The following CPAMD8 variants were observed in gnomAD, a reference collection of about 807,000 sequenced individuals.
The protein encoded by CPAMD8 is C3 and PZP like alpha-2-macroglobulin domain containing 8.
Under a neutral mutation model 224.7 loss-of-function variants are expected in CPAMD8, and 146 were observed. The ratio of observed to expected loss-of-function variants is 0.65; its 90% CI spans 0.57 to 0.75. The LOEUF is 0.75. CPAMD8 is among the 30% of genes least tolerant of loss of function. The pLI, the probability that CPAMD8 is intolerant of heterozygous loss-of-function variation, is 0.00. For synonymous variants in CPAMD8, 966 were observed against 1,044.6 expected, an observed-to-expected ratio of 0.92 and a Z score of 1.45; for missense variants, 2,301 against 2,537.5, an observed-to-expected ratio of 0.91 and a Z score of 2.00.
chr19:16,948,866 GGA>G (rs2054197252), intron 20 of CPAMD8, among the ~76,000 whole-genome samples: 9 of 68,920 alleles, frequency 1.3e-4, no homozygotes, highest in African/African-American at 3.8e-4. Context: ...GGGAGGGAAA[GGA>G]AAGGGAAGGG....
intron 18 of CPAMD8, among the ~76,000 whole-genome samples, chr19:16,964,628 C>T (rs2054765891): frequency 6.6e-6 from 1 of 152,188 alleles, no homozygotes; most frequent in Admixed American, 6.6e-5. Context: ...GGAGCTGATA[C>T]CATTCCTTCT....
Position 16,920,471 on chromosome 19 carries a change from C to T in CPAMD8, c.3629+1434G>A, listed in dbSNP as rs2053129388. Among the ~76,000 whole-genome samples the T allele has an allele frequency of 2.6e-5, 4 of 152,012 alleles. No individual in the cohort carries two copies. In the South Asian group the frequency reaches 8.3e-4, roughly 32 times the overall value. ...CTCCAGCCTGGGTGACAGAGCGAGA[C>T]TCCGTCTCAAAAAAAACAAAAAGGA... On this transcript the variant is annotated intron_variant, in intron 27 of 41. Transcript: ENST00000443236.
chr19:16,938,507 C>A, intron 22 of CPAMD8, 61 bp from the exon 23 acceptor site: 1 of 920,700 alleles, frequency 1.1e-6, no homozygotes, highest in East Asian at 2.7e-5. Context: ...GTCAGCTCAG[C>A]GGAGCAGCTG....
intron 18 of CPAMD8, among the ~76,000 whole-genome samples, chr19:16,960,906 T>A (rs1335583021): frequency 6.6e-6 from 1 of 151,596 alleles, no homozygotes; most frequent in Non-Finnish European, 1.5e-5. Context: ...AAAAAAAAAT[T>A]ATTCAGCTTT....
At chr19:16,895,895 G>GCA (rs2051946224) in intron 41 of CPAMD8, 3 of 553,242 alleles carry the variant, frequency 5.4e-6, no homozygotes, top group Admixed American at 4.6e-5. Context: ...GCGCGCGCGC[G>GCA]CGCGCACGCA....
chr19:16,948,051 T>G (rs779212543), intron 20 of CPAMD8, among the ~76,000 whole-genome samples: 2 of 152,202 alleles, frequency 1.3e-5, no homozygotes, highest in African/African-American at 2.4e-5. Context: ...CTGGTCTCTG[T>G]GTGCATGTGT....
Position 16,898,999 on chromosome 19 carries a change from C to A in CPAMD8, c.4848+476G>T, listed in dbSNP as rs2052143972. Among the ~76,000 whole-genome samples, 1 of 152,126 alleles carries A rather than the reference C, an allele frequency of 6.6e-6. No homozygotes were observed. Among genetic ancestry groups the A allele is most frequent in the Non-Finnish European group, 1.5e-5 (1 of 68,028 alleles). ...GCAGTGGCACAATCTCAGGTCACCA[C>A]AACCTCCGCCTCCCAGGTTCAAACG... On this transcript the variant is annotated intron_variant, in intron 37 of 41. Coordinates refer to ENST00000443236, the MANE Select transcript of CPAMD8 (RefSeq NM_015692.5). The surrounding 1 kb of genome is among the most constrained non-coding windows in gnomAD (Gnocchi z 4.2).
Position 16,962,398 on chromosome 19 carries a change from C to A in CPAMD8, c.2214-4483G>T, listed in dbSNP as rs1177652795. Among the ~76,000 whole-genome samples the A allele has an allele frequency of 2.0e-5, 3 of 152,038 alleles. No homozygotes were observed. The South Asian group carries it at 6.2e-4, about 32-fold the overall frequency. On this transcript the variant is annotated intron_variant, in intron 18 of 41. Transcript: ENST00000443236. Reference sequence around the variant, plus strand: ...GCACGAGAACTTTGTGACGCAGGCACAAGTTTCAATAGCCGATTCGATCAA... The same window carrying A: ...GCACGAGAACTTTGTGACGCAGGCAAAAGTTTCAATAGCCGATTCGATCAA...
intron 26 of CPAMD8, 86 bp downstream of exon 26, chr19:16,925,110 G>C: frequency 1.4e-6 from 2 of 1,424,310 alleles, no homozygotes; most frequent in Non-Finnish European, 2.0e-6. Context: ...CTGGTGTGTG[G>C]GCCACCTCCA....
chr19:16,921,098 G>T (rs1482501452), intron 27 of CPAMD8, among the ~76,000 whole-genome samples: 1 of 152,190 alleles, frequency 6.6e-6, no homozygotes. Flanking sequence ...AGCTCCTGGG[G>T]CTGGGGGAGG....
intron 18 of CPAMD8, among the ~76,000 whole-genome samples, chr19:16,965,691 C>T (rs567427766): frequency 2.6e-5 from 4 of 152,230 alleles, no homozygotes; most frequent in East Asian, 3.9e-4. Context: ...ATCCTATACA[C>T]CAATTAACAG....
chr19:16,973,126 G>A (rs886312915), intron 17 of CPAMD8, among the ~76,000 whole-genome samples: 1 of 152,100 alleles, frequency 6.6e-6, no homozygotes, highest in Admixed American at 6.6e-5. Context: ...CTGAGATCAC[G>A]CCACTGCATA....
chr19:16,972,926 C>T (rs905775633), intron 17 of CPAMD8, among the ~76,000 whole-genome samples: 11 of 152,270 alleles, frequency 7.2e-5, no homozygotes, highest in Non-Finnish European at 1.2e-4. Context: ...CCCAGCACTT[C>T]GGGAGGCTAA....
Position 16,914,805 on chromosome 19 carries a change from G to A in CPAMD8, c.3638C>T (p.Ala1213Val), listed in dbSNP as rs1193087144. 1.9e-6 allele frequency: 3 copies of A among 1,609,042 alleles called. No homozygotes were observed. Among genetic ancestry groups the A allele is most frequent in the South Asian group, 1.1e-5 (1 of 90,296 alleles). ...CTGTGCGAAGGACTTCAGGACAAAG[G>A]CTGTGAGCCTGAAAGAGGACAGGGT... ...RDASGSMWLTAFVLKSFAQAR... is the reference protein window; with the variant it reads ...RDASGSMWLTVFVLKSFAQAR... The change falls in exon 28 of 42, where the codon GCC becomes GTC. Residue 1213 changes from alanine to valine, a missense_variant. Ala to Val is a moderately conservative substitution (Grantham distance 64). Around this residue, in one of 4 missense-constraint regions of CPAMD8, gnomAD observed 1,709 missense variants for 1,753.2 expected, o/e 0.97. Coordinates refer to ENST00000443236, the MANE Select transcript of CPAMD8 (RefSeq NM_015692.5).
At chr19:16,951,880 C>T in intron 20 of CPAMD8, 89 bp downstream of exon 20, 1 of 824,460 alleles carries the variant, frequency 1.2e-6, no homozygotes. Context: ...CAAGCTGACA[C>T]TGTCCCACCC....
chr19:17,023,570 T>TTTTA lies in CPAMD8; in HGVS notation c.93-1393_93-1390dup, dbSNP rs886606549. On this transcript the variant is annotated intron_variant, in intron 1 of 41. Coordinates refer to ENST00000443236, the MANE Select transcript of CPAMD8 (RefSeq NM_015692.5). ...TCATTTCAATATTTTCTTTTTTTAT[T>TTTTA]TTTATTTATTTATTTATTTATTTTT... Among the ~76,000 whole-genome samples, 73 of 152,072 alleles carry TTTTA rather than the reference T, an allele frequency of 4.8e-4. 1 individual carries two copies. Among genetic ancestry groups the TTTTA allele is most frequent in the Admixed American group, 3.6e-3 (55 of 15,254 alleles).
At chr19:16,933,119 G>T (rs1279820823) in intron 23 of CPAMD8, among the ~76,000 whole-genome samples, 2 of 151,988 alleles carry the variant, frequency 1.3e-5, no homozygotes, top group Non-Finnish European at 1.5e-5. Flanking sequence ...TTCAATAAAT[G>T]GTGCTGGCAC....
chr19:16,909,756 A>G (rs1368998119), intron 29 of CPAMD8, among the ~76,000 whole-genome samples: 1 of 151,308 alleles, frequency 6.6e-6, no homozygotes, highest in East Asian at 1.9e-4. Context: ...AAAAAAAAAA[A>G]TTTGTATTAG....
chr19:17,025,123 C>T lies in CPAMD8; in HGVS notation c.92+1428G>A, dbSNP rs377322259. On this transcript the variant is annotated intron_variant, in intron 1 of 41. Transcript: ENST00000443236. Reference sequence around the variant, plus strand: ...GCCCTGGAGAACTGTTTAAAACTCTCTAACGGGCCAGGCACGGTGACTCAC... The same window carrying T: ...GCCCTGGAGAACTGTTTAAAACTCTTTAACGGGCCAGGCACGGTGACTCAC... Among the ~76,000 whole-genome samples the T allele has an allele frequency of 1.4e-4, 21 of 152,242 alleles. 1 individual carries two copies. In the South Asian group the frequency reaches 3.3e-3, roughly 24 times the overall value.
Sources: gnomAD v4.1 joint callset for allele counts (sites outside exome capture counted in the v4.1 genomes callset) on GRCh38, gnomAD v4.1.1 for gene constraint, gnomAD v4.1.1 regional missense constraint, Gnocchi (gnomAD v3.1) non-coding constraint, MANE v1.5 for transcripts, NCBI Gene and HGNC (gene_info 2026-07-23, HGNC 2026-07-21) for gene names.